Variants in AGAP3 observed in about 807,000 individuals in gnomAD.
AGAP3 encodes ArfGAP with GTPase domain, ankyrin repeat and PH domain 3, also known as arf-GAP with GTPase, ANK repeat and PH domain-containing protein 3.
In AGAP3, 24 loss-of-function variants were observed where a neutral mutation model predicts 96.9. The observed-to-expected ratio is 0.25, with a 90% CI of 0.18 to 0.35. The LOEUF (loss-of-function observed/expected upper bound fraction) is 0.35, where lower values mean the gene tolerates loss of function less well. Among genes scored for constraint, AGAP3 ranks in the 10% least tolerant of loss-of-function variants. The pLI is 1.00. For synonymous variants in AGAP3, 563 were observed against 536.1 expected (o/e 1.05, Z -0.69); for missense variants, 876 against 1,254.2 (o/e 0.70, Z 4.55).
chr7:151,104,618 C>T (rs534787110), intron 1 of AGAP3, among the ~76,000 whole-genome samples: 3 of 152,290 alleles, frequency 2.0e-5, no homozygotes, highest in South Asian at 2.1e-4. Flanking sequence ...ACTGGTTCCC[C>T]GGTTGGAAGA....
intron 10 of AGAP3, among the ~76,000 whole-genome samples, chr7:151,129,745 C>T (rs1283450448): frequency 6.8e-6 from 1 of 147,530 alleles, no homozygotes; most frequent in Non-Finnish European, 1.5e-5. Flanking sequence ...CGAGTCCTTG[C>T]GAGGCAATGA....
Position 151,144,423 on chromosome 7 carries a change from A to C in AGAP3, c.*480A>C. 1 of 162,328 alleles carries C rather than the reference A, an allele frequency of 6.2e-6. No homozygotes were observed. The highest frequency in any genetic ancestry group is 6.0e-5 in the Admixed American group (1 of 16,794). 10.1% of individuals were successfully genotyped at this position (162,328 alleles called of 1,614,324 possible). On this transcript the variant is annotated 3_prime_UTR_variant, in exon 18 of 18. Coordinates refer to ENST00000397238, the MANE Select transcript of AGAP3 (RefSeq NM_031946.7). ...TGTGTATGATGAGCCAATAAACCAGACTGTGTGCGTGGCCTTGTTTCCCCC... is the reference window on the plus strand; with the variant it reads ...TGTGTATGATGAGCCAATAAACCAGCCTGTGTGCGTGGCCTTGTTTCCCCC...
chr7:151,107,077 A>C (rs1799086179), intron 1 of AGAP3, among the ~76,000 whole-genome samples: 1 of 152,138 alleles, frequency 6.6e-6, no homozygotes, highest in South Asian at 2.1e-4. Context: ...TGGGGGGCCA[A>C]GGGAGGTAGA....
Position 151,116,758 on chromosome 7 carries a change from C to A in AGAP3, c.332-35C>A, listed in dbSNP as rs777250594. 5.6e-6 allele frequency: 9 copies of A among 1,613,184 alleles called. No individual in the cohort carries two copies. In the South Asian group the frequency reaches 9.9e-5, roughly 18 times the overall value. ...GTGGTTGGGACAGGTGTGTGTGCCA[C>A]CCTGGCCCTGACGGGGCGGCTCTGT... On this transcript the variant is annotated intron_variant, in intron 1 of 17. Coordinates refer to ENST00000397238, the MANE Select transcript of AGAP3 (RefSeq NM_031946.7).
intron 8 of AGAP3, chr7:151,122,769 C>G (rs768258267): frequency 1.2e-6 from 2 of 1,613,906 alleles, no homozygotes; most frequent in African/African-American, 1.3e-5. Context: ...AAAGGCCTTT[C>G]CAACTCCTTC....
intron 8 of AGAP3, chr7:151,120,898 T>C (rs941664204): frequency 1.4e-5 from 15 of 1,075,208 alleles, no homozygotes; most frequent in Admixed American, 4.7e-5. Context: ...CGACACACAG[T>C]GCCCATCCAA....
chr7:151,127,395 CTCCCTGCTG>C (rs1800223404), intron 9 of AGAP3, among the ~76,000 whole-genome samples: 1 of 152,210 alleles, frequency 6.6e-6, no homozygotes, highest in African/African-American at 2.4e-5. Context: ...TTTTTCAAGT[CTCCCTGCTG>C]GGGGTGCTGC....
In AGAP3 at chr7:151,142,489, C is replaced by T; in HGVS notation, c.2128C>T (p.His710Tyr). 2 of 1,613,964 alleles carry T rather than the reference C, an allele frequency of 1.2e-6. No individual in the cohort carries two copies. Among genetic ancestry groups the T allele is most frequent in the Non-Finnish European group, 1.7e-6 (2 of 1,180,030 alleles). The change falls in exon 16 of 18, where the codon CAC becomes TAC. Residue 710 changes from histidine (H) to tyrosine (Y), a missense_variant. Around this residue, in one of 8 missense-constraint regions of AGAP3, gnomAD observed 103 missense variants for 183.0 expected, o/e 0.56. Transcript: ENST00000397238. The surrounding 1 kb of genome is among the most constrained non-coding windows in gnomAD (Gnocchi z 7.5). Reference protein sequence around the residue: ...CSGIHRHLGAHLSRVRSLDLD... With the variant: ...CSGIHRHLGAYLSRVRSLDLD... ...AGGCATCCACCGACACCTGGGGGCT[C>T]ACCTGTCCCGGGTGCGCTCCCTTGA... is the stretch of plus-strand genomic sequence containing the variant.
At chr7:151,117,343 T>G (rs1799642889) in intron 3 of AGAP3, 28 bp from the exon 4 acceptor site, 1 of 1,613,622 alleles carries the variant, frequency 6.2e-7, no homozygotes, top group Non-Finnish European at 8.5e-7. Context: ...TCTCCACACT[T>G]TGGACCTGAC....
intron 1 of AGAP3, among the ~76,000 whole-genome samples, chr7:151,113,068 C>G (rs550485692): frequency 6.6e-6 from 1 of 152,300 alleles, no homozygotes; most frequent in African/African-American, 2.4e-5. Flanking sequence ...GCAGGATGAG[C>G]TTGTGAGTGG....
At position 151,142,273 on chromosome 7, in the gene AGAP3, G is replaced by A. The variant is rs1287193124; in HGVS notation, c.2050+20G>A. 3.1e-6 allele frequency: 5 copies of A among 1,610,806 alleles called. No individual in the cohort carries two copies. Among genetic ancestry groups the A allele is most frequent in the Non-Finnish European group, 4.2e-6 (5 of 1,178,890 alleles). On this transcript the variant is annotated intron_variant, in intron 15 of 17. Transcript: ENST00000397238. This position sits in a 1 kb window ranked among gnomAD's most constrained non-coding sequence, Gnocchi z 7.5. ...CACCCAGTGAGTGCAAGGCTGGTGG[G>A]GCTGGGAGCTGGGGATGGCCCAGGG...
chr7:151,137,779 G>C (rs1800658342), intron 11 of AGAP3: 1 of 297,166 alleles, frequency 3.4e-6, no homozygotes, highest in African/African-American at 2.2e-5. Context: ...GACTAGAATG[G>C]AGGGTGCAGG....
In AGAP3 at chr7:151,128,645, C is replaced by G. The variant is rs1339765732; in HGVS notation, c.1287C>G (p.Leu429=). The change falls in exon 10 of 18, where the codon CTC becomes CTG. Residue 429 remains leucine, a synonymous_variant. Transcript: ENST00000397238. ...NKEWKKKYVT[L]CDNGLLTYHP... is the part of the protein sequence containing the mutation. Reference sequence around the variant, plus strand: ...AGTGGAAGAAGAAGTATGTGACGCTCTGTGACAACGGGCTGCTCACCTATC... The same window carrying G: ...AGTGGAAGAAGAAGTATGTGACGCTGTGTGACAACGGGCTGCTCACCTATC... 6.2e-7 allele frequency: 1 copy of G among 1,613,806 alleles called. No homozygotes were observed. Among genetic ancestry groups the G allele is most frequent in the South Asian group, 1.1e-5 (1 of 91,074 alleles).
At position 151,108,238 on chromosome 7, in the gene AGAP3, G is replaced by C. The variant is rs1232566449; in HGVS notation, c.332-8555G>C. Among the ~76,000 whole-genome samples, 1 of 152,218 alleles carries C rather than the reference G, an allele frequency of 6.6e-6. No individual in the cohort carries two copies. The highest frequency in any genetic ancestry group is 1.5e-5 in the Non-Finnish European group (1 of 68,036). On this transcript the variant is annotated intron_variant, in intron 1 of 17. Transcript: ENST00000397238. This position sits in a 1 kb window ranked among gnomAD's most constrained non-coding sequence, Gnocchi z 4.2. ...TTTGTCCTGTCCACCATTGCACCCA[G>C]CACAGAGCTCATGGATAGACAGGAA... is the stretch of plus-strand genomic sequence containing the variant.
chr7:151,143,498 G>C lies in AGAP3; in HGVS notation c.2431G>C (p.Glu811Gln). Residue 811 changes from glutamate (E) to glutamine (Q), a missense_variant, in exon 17 of 18, where the codon GAG becomes CAG. Around this residue, in one of 8 missense-constraint regions of AGAP3, gnomAD observed 213 missense variants for 253.8 expected, o/e 0.84. Coordinates refer to ENST00000397238, the MANE Select transcript of AGAP3 (RefSeq NM_031946.7). The surrounding 1 kb of genome is among the most constrained non-coding windows in gnomAD (Gnocchi z 5.9). ...LVMLLAHGSKEEVNETYGDGD... is the reference protein window; with the variant it reads ...LVMLLAHGSKQEVNETYGDGD... Reference sequence around the variant, plus strand: ...GATGCTCCTGGCACATGGCTCCAAAGAGGAGGTGAATGAGACCTATGGGGA... The same window carrying C: ...GATGCTCCTGGCACATGGCTCCAAACAGGAGGTGAATGAGACCTATGGGGA... The C allele has an allele frequency of 6.2e-7, 1 of 1,614,256 alleles. No homozygotes were observed. Among genetic ancestry groups the C allele is most frequent in the Non-Finnish European group, 8.5e-7 (1 of 1,180,046 alleles).
At chr7:151,105,834 T>A (rs1341579834) in intron 1 of AGAP3, among the ~76,000 whole-genome samples, 5 of 81,406 alleles carry the variant, frequency 6.1e-5, no homozygotes, top group East Asian at 4.3e-4. Context: ...ACACACACAG[T>A]CAAGCATTGC....
chr7:151,123,132 G>T (rs1181195890), intron 8 of AGAP3: 2 of 1,100,690 alleles, frequency 1.8e-6, no homozygotes, highest in Non-Finnish European at 2.2e-6. Flanking sequence ...GCGCTTTCCT[G>T]CCCCTCCCCT....
chr7:151,139,867 T>C lies in AGAP3; in HGVS notation c.1667-112T>C. 9.2e-7 allele frequency: 1 copy of C among 1,083,126 alleles called. No individual in the cohort carries two copies. 67.1% of individuals were successfully genotyped at this position (1,083,126 alleles called of 1,614,324 possible). A position where few individuals can be genotyped will look rare whatever the true frequency, so the allele number is the denominator to read the frequency against. ...GAGGTGTCCGTCTGGCTCTCCTGAGTGTGGCCCAGCTACAGTTGGCAGGAC... is the reference window on the plus strand; with the variant it reads ...GAGGTGTCCGTCTGGCTCTCCTGAGCGTGGCCCAGCTACAGTTGGCAGGAC... On this transcript the variant is annotated intron_variant, in intron 12 of 17. Coordinates refer to ENST00000397238, the MANE Select transcript of AGAP3 (RefSeq NM_031946.7). The surrounding 1 kb of genome is among the most constrained non-coding windows in gnomAD (Gnocchi z 4.9).
In AGAP3 at chr7:151,143,255, C is replaced by G; in HGVS notation, c.2274-86C>G. ...TTTCTTCCTTGTTCCCCCGGGTGCT[C>G]GCTTCCTTTCCTGCCCACCTTCCTG... On this transcript the variant is annotated intron_variant, in intron 16 of 17. Coordinates refer to ENST00000397238, the MANE Select transcript of AGAP3 (RefSeq NM_031946.7). This position sits in a 1 kb window ranked among gnomAD's most constrained non-coding sequence, Gnocchi z 5.9. The G allele has an allele frequency of 1.3e-6, 2 of 1,493,714 alleles. No individual in the cohort carries two copies. Among genetic ancestry groups the G allele is most frequent in the East Asian group, 2.3e-5 (1 of 43,788 alleles). 92.5% of individuals were successfully genotyped at this position (1,493,714 alleles called of 1,614,324 possible). A position where few individuals can be genotyped will look rare whatever the true frequency, so the allele number is the denominator to read the frequency against.
Sources: gnomAD v4.1 joint callset for allele counts (sites outside exome capture counted in the v4.1 genomes callset) on GRCh38, gnomAD v4.1.1 for gene constraint, gnomAD v4.1.1 regional missense constraint, Gnocchi (gnomAD v3.1) non-coding constraint, MANE v1.5 for transcripts, NCBI Gene and HGNC (gene_info 2026-07-23, HGNC 2026-07-21) for gene names.